AHCTF1: variants seen among roughly 807,000 people sequenced by gnomAD.
The protein encoded by AHCTF1 is AT-hook containing transcription factor 1, also known as protein ELYS.
In AHCTF1, 24 loss-of-function variants were observed where a neutral mutation model predicts 248.4. That is an observed-to-expected ratio of 0.10 (90% confidence interval 0.07 to 0.14). AHCTF1 has a LOEUF of 0.14. AHCTF1 is among the 10% of genes least tolerant of loss of function. The pLI is 1.00. For synonymous variants in AHCTF1, 786 were observed against 929.8 expected (o/e 0.85, Z 2.81); for missense variants, 2,206 against 2,636.2 (o/e 0.84, Z 3.57).
chr1:246,916,919 C>T (rs1666189417), intron 2 of AHCTF1, among the ~76,000 whole-genome samples: 1 of 152,150 alleles, frequency 6.6e-6, no homozygotes, highest in Non-Finnish European at 1.5e-5. Flanking sequence ...ATTATTCTAT[C>T]CCTAAAGAGT....
chr1:246,849,239 A>G (rs1660515803), intron 33 of AHCTF1, among the ~76,000 whole-genome samples: 1 of 152,208 alleles, frequency 6.6e-6, no homozygotes, highest in Non-Finnish European at 1.5e-5. Flanking sequence ...CCTTCAAAAC[A>G]ATTTCGGGTT....
chr1:246,849,648 A>G lies in AHCTF1; in HGVS notation c.6358T>C (p.Ser2120Pro), dbSNP rs1170394889. Residue 2120 changes from serine (S) to proline (P), a missense_variant, in exon 33 of 36, where the codon TCT (serine) becomes CCT (proline). By Grantham distance (74) the Ser-to-Pro change is moderately conservative (BLOSUM62 -1). Transcript: ENST00000648844. ...TTCCTTGGAACTTCTGACGCTGGAG[A>G]AAATAAAGGCTCATTGTTTGGTTCA... ...LSEPNNEPLF[S>P]PASEVPRKAK... 6.2e-7 allele frequency: 1 copy of G among 1,610,166 alleles called. No individual in the cohort carries two copies. The highest frequency in any genetic ancestry group is 1.1e-5 in the South Asian group (1 of 90,884).
chr1:246,884,697 A>G (rs1035780004), intron 21 of AHCTF1, among the ~76,000 whole-genome samples: 2 of 152,218 alleles, frequency 1.3e-5, no homozygotes, highest in Non-Finnish European at 2.9e-5. Flanking sequence ...AATGACAAAT[A>G]CACTGATTAG....
At chr1:246,852,818 T>C (rs1388206555) in intron 32 of AHCTF1, among the ~76,000 whole-genome samples, 2 of 152,128 alleles carry the variant, frequency 1.3e-5, no homozygotes, top group East Asian at 1.9e-4. Context: ...TCTCAAACTC[T>C]TGGGCTCAAG....
chr1:246,877,994 G>A (rs1371231196), intron 21 of AHCTF1, among the ~76,000 whole-genome samples: 3 of 151,652 alleles, frequency 2.0e-5, no homozygotes, highest in African/African-American at 7.3e-5. Context: ...GTTCACTTGA[G>A]CATATCTATA....
intron 19 of AHCTF1, 132 bp downstream of exon 19, chr1:246,888,045 G>T: frequency 1.1e-6 from 1 of 927,038 alleles, no homozygotes; most frequent in East Asian, 2.6e-5. Flanking sequence ...AACAGATCCT[G>T]GGTTAACACC....
chr1:246,868,106 G>A (rs1225490183), intron 24 of AHCTF1, among the ~76,000 whole-genome samples: 1 of 151,128 alleles, frequency 6.6e-6, no homozygotes, highest in African/African-American at 2.4e-5. Flanking sequence ...GGGATTACAG[G>A]CATGGCCACC....
intron 24 of AHCTF1, among the ~76,000 whole-genome samples, chr1:246,873,391 A>C (rs1252443401): frequency 6.6e-6 from 1 of 152,238 alleles, no homozygotes; most frequent in Non-Finnish European, 1.5e-5. Context: ...GCAAAGGGAA[A>C]GAATCCGTCC....
At position 246,861,245 on chromosome 1, in the gene AHCTF1, T is replaced by C. The variant is rs1395510506; in HGVS notation, c.3786A>G (p.Ala1262=). Residue 1262 remains alanine (A), a synonymous_variant, in exon 29 of 36, where the codon GCA becomes GCG. Coordinates refer to ENST00000648844, the MANE Select transcript of AHCTF1 (RefSeq NM_001323342.2). ...TCAGCCATTCAGTTTCCACTGGAACTGCACATTTTTTAGGTGTAGTAAATA... is the reference window on the plus strand; with the variant it reads ...TCAGCCATTCAGTTTCCACTGGAACCGCACATTTTTTAGGTGTAGTAAATA... The part of the protein sequence containing the change: ...LEVFTTPKKC[A]VPVETEWLKS... 6.2e-7 allele frequency: 1 copy of C among 1,613,072 alleles called. No homozygotes were observed. The highest frequency in any genetic ancestry group is 1.7e-5 in the Admixed American group (1 of 59,956).
chr1:246,893,103 G>A (rs1222221854), intron 14 of AHCTF1, among the ~76,000 whole-genome samples: 1 of 152,102 alleles, frequency 6.6e-6, no homozygotes, highest in Non-Finnish European at 1.5e-5. Flanking sequence ...TATTCTCAAA[G>A]AATAACAAAA....
intron 29 of AHCTF1, among the ~76,000 whole-genome samples, chr1:246,860,224 C>T (rs1248641099): frequency 1.3e-5 from 2 of 152,068 alleles, no homozygotes; most frequent in East Asian, 1.9e-4. Context: ...GCCGAGATCA[C>T]GCCACTGCAC....
intron 24 of AHCTF1, among the ~76,000 whole-genome samples, chr1:246,872,066 A>G (rs1273050637): frequency 6.6e-6 from 1 of 151,372 alleles, no homozygotes; most frequent in Non-Finnish European, 1.5e-5. Flanking sequence ...AAAAAAAAAA[A>G]AAAAGAACCT....
At chr1:246,894,053 A>T (rs1241688802) in intron 14 of AHCTF1, among the ~76,000 whole-genome samples, 2 of 151,998 alleles carry the variant, frequency 1.3e-5, no homozygotes, top group Non-Finnish European at 2.9e-5. Context: ...AAAATACAAC[A>T]ATTAGCTGGG....
intron 14 of AHCTF1, among the ~76,000 whole-genome samples, chr1:246,892,131 A>T (rs1664247313): frequency 6.6e-6 from 1 of 152,064 alleles, no homozygotes; most frequent in Non-Finnish European, 1.5e-5. Flanking sequence ...GAGACTATGA[A>T]CTCAAATCAT....
chr1:246,926,105 G>A lies in AHCTF1; in HGVS notation c.-8+5473C>T, dbSNP rs138771252. ...CTCACTCCCCACTCTCATCATGTGA[G>A]TATCCTGCTCTCCCTTTGCCTTCTG... On this transcript the variant is annotated intron_variant, in intron 1 of 35. Transcript: ENST00000648844. Among the ~76,000 whole-genome samples, 370 of 150,698 alleles carry A rather than the reference G, an allele frequency of 2.5e-3. 1 individual carries two copies. The highest frequency in any genetic ancestry group is 4.4e-3 in the Non-Finnish European group (295 of 67,790).
Position 246,842,772 on chromosome 1 carries a change from T to C in AHCTF1, c.6530A>G (p.Asp2177Gly). Residue 2177 changes from aspartate to glycine, a missense_variant, in exon 35 of 36, where the codon GAT becomes GGT. This residue lies in a region of AHCTF1 where 469 missense variants were observed against 470.0 expected (regional missense o/e 1.00). Coordinates refer to ENST00000648844, the MANE Select transcript of AHCTF1 (RefSeq NM_001323342.2). The part of the protein sequence containing the change: ...NKNKLEDELK[D>G]DAQSVETLGK... ...CAGAGTTTCTACTGATTGTGCATCA[T>C]CTTTCTATGGGTTAAACATTTTAAA... 6.2e-7 allele frequency: 1 copy of C among 1,613,104 alleles called. No individual in the cohort carries two copies. The highest frequency in any genetic ancestry group is 8.5e-7 in the Non-Finnish European group (1 of 1,179,396).
intron 27 of AHCTF1, 87 bp from the exon 28 acceptor site, chr1:246,862,240 GGAGGCA>G: frequency 5.5e-6 from 5 of 913,450 alleles, no homozygotes; most frequent in Non-Finnish European, 4.7e-6. Context: ...CTGCACTTTG[GGAGGCA>G]GAGGCAGGCG....
chr1:246,868,855 T>C (rs967996778), intron 24 of AHCTF1, among the ~76,000 whole-genome samples: 23 of 149,992 alleles, frequency 1.5e-4, no homozygotes, highest in African/African-American at 4.2e-4. Context: ...TGTTTTTTTT[T>C]TTTTTTTGAG....
At chr1:246,843,330 G>A (rs1376198499) in intron 34 of AHCTF1, among the ~76,000 whole-genome samples, 1 of 152,222 alleles carries the variant, frequency 6.6e-6, no homozygotes, top group Non-Finnish European at 1.5e-5. Context: ...AACTGTAGGT[G>A]CCTGACAGAC....
Sources: allele counts gnomAD v4.1 joint callset (sites outside exome capture counted in the v4.1 genomes callset), GRCh38; gene constraint gnomAD v4.1.1; regional missense constraint gnomAD v4.1.1; transcripts MANE v1.5; gene names NCBI Gene and HGNC (gene_info 2026-07-23, HGNC 2026-07-21).